CSTPP1: variants seen among roughly 807,000 people sequenced by gnomAD.
CSTPP1 encodes the protein centriolar satellite-associated tubulin polyglutamylase complex regulator 1, also known as UPF0705 protein C11orf49.
chr11:46,951,011 C>T, the CSTPP1 span, among the ~76,000 whole-genome samples: 2 of 152,102 alleles, frequency 1.3e-5, no homozygotes, highest in East Asian at 1.9e-4. Context: ...ACAGCAGTCT[C>T]GTTCAGTCCT....
At chr11:47,076,741 C>T in the CSTPP1 span, among the ~76,000 whole-genome samples, 16 of 151,058 alleles carry the variant, frequency 1.1e-4, no homozygotes, top group Admixed American at 5.3e-4. Context: ...GACTGAGGCA[C>T]AAGAATTGCT....
At chr11:47,068,501 C>A in the CSTPP1 span, among the ~76,000 whole-genome samples, 1 of 152,024 alleles carries the variant, frequency 6.6e-6, no homozygotes, top group Non-Finnish European at 1.5e-5. Context: ...CACTGCACTC[C>A]AATATGGGTG....
chr11:47,046,104 T>C, the CSTPP1 span, among the ~76,000 whole-genome samples: 3 of 152,050 alleles, frequency 2.0e-5, no homozygotes, highest in East Asian at 5.8e-4. Context: ...AATTTTTACA[T>C]TTAAAAAGGT....
chr11:47,119,285 T>C, the CSTPP1 span, among the ~76,000 whole-genome samples: 1 of 152,256 alleles, frequency 6.6e-6, no homozygotes, highest in South Asian at 2.1e-4. Flanking sequence ...AGAATCACCT[T>C]GTCTGCCAGT....
chr11:47,052,288 C>G, the CSTPP1 span: 19 of 1,427,290 alleles, frequency 1.3e-5, no homozygotes, highest in Admixed American at 4.4e-4. Context: ...AGAAAAATTC[C>G]CCGTTTTTGG....
At chr11:47,028,105 A>G in the CSTPP1 span, among the ~76,000 whole-genome samples, 3 of 151,768 alleles carry the variant, frequency 2.0e-5, no homozygotes, top group Non-Finnish European at 2.9e-5. Context: ...TTGTATTTTT[A>G]GTAGAGACGG....
the CSTPP1 span, among the ~76,000 whole-genome samples, chr11:47,039,179 C>A: frequency 3.1e-5 from 4 of 126,996 alleles, 1 homozygote; most frequent in Non-Finnish European, 7.5e-5. Flanking sequence ...TGTAGCGAGC[C>A]GAGGTCACGC....
At chr11:47,112,004 T>C in the CSTPP1 span, among the ~76,000 whole-genome samples, 8 of 152,294 alleles carry the variant, frequency 5.3e-5, 1 homozygote, top group African/African-American at 1.9e-4. Context: ...TTCTTTTGGC[T>C]CCTGCCATGT....
At chr11:47,122,578 CTTTTTTA>C in the CSTPP1 span, among the ~76,000 whole-genome samples, 1 of 151,776 alleles carries the variant, frequency 6.6e-6, no homozygotes, top group African/African-American at 2.4e-5. Context: ...TTAAATAATT[CTTTTTTA>C]TTTTTTATTT....
the CSTPP1 span, among the ~76,000 whole-genome samples, chr11:47,061,974 T>C: frequency 6.6e-6 from 1 of 152,258 alleles, no homozygotes; most frequent in East Asian, 1.9e-4. Context: ...ATTCCTGGAA[T>C]GCTTTTGTCA....
chr11:47,037,397 T>A, the CSTPP1 span, among the ~76,000 whole-genome samples: 134 of 118,014 alleles, frequency 1.1e-3, 7 homozygotes, highest in African/African-American at 3.6e-3. Context: ...TTATTATTTT[T>A]TTTTTTTAAT....
the CSTPP1 span, among the ~76,000 whole-genome samples, chr11:47,029,359 C>A: frequency 6.6e-6 from 1 of 152,070 alleles, no homozygotes; most frequent in Admixed American, 6.6e-5. Flanking sequence ...GTAATCCCAG[C>A]ACTTTGGGAG....
chr11:47,137,207 A>T, the CSTPP1 span: 1 of 1,149,200 alleles, frequency 8.7e-7, no homozygotes, highest in Non-Finnish European at 1.2e-6. Context: ...TTGCGTTAGT[A>T]CTGCTTCCAG....
the CSTPP1 span, among the ~76,000 whole-genome samples, chr11:46,982,416 A>T: frequency 6.7e-6 from 1 of 149,382 alleles, no homozygotes; most frequent in Non-Finnish European, 1.5e-5. Context: ...AGTGAGACTT[A>T]GTTATTCTAT....
the CSTPP1 span, among the ~76,000 whole-genome samples, chr11:47,015,305 A>T: frequency 9.2e-5 from 13 of 141,400 alleles, no homozygotes; most frequent in South Asian, 2.4e-3. Context: ...CGTCTCTACT[A>T]AAAAAAAAAA....
chr11:46,986,262 C>T, the CSTPP1 span, among the ~76,000 whole-genome samples: 2 of 151,978 alleles, frequency 1.3e-5, no homozygotes, highest in South Asian at 2.1e-4. Context: ...TATTATACGC[C>T]CATGATTAAC....
chr11:47,138,269 T>C, the CSTPP1 span, among the ~76,000 whole-genome samples: 1 of 152,120 alleles, frequency 6.6e-6, no homozygotes. Flanking sequence ...AACCATCAAA[T>C]GTCTTCAGAA....
chr11:47,065,689 C>T, the CSTPP1 span, among the ~76,000 whole-genome samples: 35 of 151,880 alleles, frequency 2.3e-4, no homozygotes, highest in South Asian at 7.3e-3. Flanking sequence ...AATTGTTTTT[C>T]TTAGTTTCCT....
the CSTPP1 span, among the ~76,000 whole-genome samples, chr11:47,046,530 A>G: frequency 6.6e-6 from 1 of 152,094 alleles, no homozygotes; most frequent in Admixed American, 6.5e-5. Context: ...AAATTAAAGA[A>G]GAGCTAAATA....
Sources: gnomAD v4.1 joint callset for allele counts (sites outside exome capture counted in the v4.1 genomes callset) on GRCh38, gnomAD v4.1.1 for gene constraint, MANE v1.5 for transcripts, NCBI Gene and HGNC (gene_info 2026-07-23, HGNC 2026-07-21) for gene names.